The following INPP5A variants were observed in gnomAD, a reference collection of about 807,000 sequenced individuals.
The protein encoded by INPP5A is 43 kDa inositol polyphosphate 5-phophatase.
Under a neutral mutation model 65.2 loss-of-function variants are expected in INPP5A, and 14 were observed. The observed-to-expected ratio is 0.21, with a 90% CI of 0.14 to 0.34. The LOEUF (loss-of-function observed/expected upper bound fraction) is 0.34, where lower values mean the gene tolerates loss of function less well. INPP5A is among the 10% of genes least tolerant of loss of function. The probability of loss-of-function intolerance (pLI) is 1.00; values close to 1 mark genes in which losing one functional copy is unlikely to be tolerated. For missense variants in INPP5A, 431 were observed against 545.6 expected (o/e 0.79, Z 2.09); for synonymous variants, 207 against 208.3 (o/e 0.99, Z 0.05).
intron 6 of INPP5A, among the ~76,000 whole-genome samples, chr10:132,700,070 C>T (rs989784157): frequency 2.6e-5 from 4 of 152,186 alleles, no homozygotes; most frequent in African/African-American, 9.7e-5. Flanking sequence ...GAGGGGCCGC[C>T]CCTCCCCCAG....
chr10:132,561,052 CTTT>C (rs758540879), intron 1 of INPP5A, among the ~76,000 whole-genome samples: 26 of 126,964 alleles, frequency 2.0e-4, no homozygotes, highest in African/African-American at 3.8e-4. Context: ...GTTTGAAGCA[CTTT>C]TTTTTTTTTT....
At chr10:132,721,752 G>T (rs183429755) in intron 8 of INPP5A, among the ~76,000 whole-genome samples, 1 of 150,744 alleles carries the variant, frequency 6.6e-6, no homozygotes, top group African/African-American at 2.5e-5. Context: ...GTTCTGTGGT[G>T]CCTGGGTTCT....
At chr10:132,723,418 C>A (rs527724927) in intron 8 of INPP5A, among the ~76,000 whole-genome samples, 1 of 152,170 alleles carries the variant, frequency 6.6e-6, no homozygotes, top group African/African-American at 2.4e-5. Context: ...CCTGCGACAC[C>A]GCACACAGAT....
chr10:132,752,035 G>T (rs1465176336), intron 11 of INPP5A, among the ~76,000 whole-genome samples: 2 of 149,360 alleles, frequency 1.3e-5, no homozygotes, highest in South Asian at 2.2e-4. Context: ...TGCCCAGGAA[G>T]CGTCTGCGTG....
At chr10:132,623,603 G>A (rs1228258430) in intron 2 of INPP5A, among the ~76,000 whole-genome samples, 1 of 152,096 alleles carries the variant, frequency 6.6e-6, no homozygotes, top group Non-Finnish European at 1.5e-5. Context: ...TTTCTTAGAT[G>A]CAACAGCAAA....
chr10:132,764,824 G>A (rs1242615080), intron 11 of INPP5A, among the ~76,000 whole-genome samples: 2 of 143,112 alleles, frequency 1.4e-5, no homozygotes, highest in African/African-American at 2.7e-5. Context: ...TTGAGAGGGT[G>A]TGTGTGGTGA....
intron 1 of INPP5A, among the ~76,000 whole-genome samples, chr10:132,572,784 C>T (rs188109145): frequency 6.6e-6 from 1 of 152,304 alleles, no homozygotes; most frequent in East Asian, 1.9e-4. Flanking sequence ...GGCCCTGCCT[C>T]TGCTGGGCGT....
At chr10:132,643,034 T>C (rs1012422447) in intron 2 of INPP5A, among the ~76,000 whole-genome samples, 1 of 152,186 alleles carries the variant, frequency 6.6e-6, no homozygotes, top group African/African-American at 2.4e-5. Context: ...GAGGAGTCAT[T>C]TTCCTCAGTT....
chr10:132,733,799 C>G (rs1281629124), intron 9 of INPP5A, among the ~76,000 whole-genome samples: 2 of 152,262 alleles, frequency 1.3e-5, no homozygotes, highest in African/African-American at 4.8e-5. Flanking sequence ...TGCACCTGAA[C>G]AGGCTGATTT....
chr10:132,576,765 C>T lies in INPP5A; in HGVS notation c.76-31150C>T, dbSNP rs116052124. 6.0e-3 allele frequency among the ~76,000 whole-genome samples: 908 copies of T among 152,342 alleles called. 17 individuals are homozygous for T. The highest frequency in any genetic ancestry group is 0.02 in the African/African-American group (840 of 41,568). ...TTAAGCAGATCTCTGATGCACCCAG[C>T]GTCTTGCCTGTGCTGACCGGCCACA... On this transcript the variant is annotated intron_variant, in intron 1 of 15. Coordinates refer to ENST00000368594, the MANE Select transcript of INPP5A (RefSeq NM_005539.5).
chr10:132,559,580 C>T (rs552779993), intron 1 of INPP5A, among the ~76,000 whole-genome samples: 15 of 152,362 alleles, frequency 9.8e-5, no homozygotes, highest in African/African-American at 3.6e-4. Context: ...TGGAATCAAA[C>T]AGCGTGTGGC....
rs116521715 is a variant in INPP5A at position 132,707,816 on chromosome 10, C to A, written c.475-497C>A. ...TGGGTGAGAGGCATCGGTGGGTGAA[C>A]GGCATCGGTGGGTGAGAGGCATCGG... On this transcript the variant is annotated intron_variant, in intron 6 of 15. Coordinates refer to ENST00000368594, the MANE Select transcript of INPP5A (RefSeq NM_005539.5). This position sits in a 1 kb window ranked among gnomAD's most constrained non-coding sequence, Gnocchi z 5.5. Among the ~76,000 whole-genome samples, 17 of 151,594 alleles carry A rather than the reference C, an allele frequency of 1.1e-4. No homozygotes were observed. Among genetic ancestry groups the A allele is most frequent in the Non-Finnish European group, 1.8e-4 (12 of 67,798 alleles).
intron 2 of INPP5A, among the ~76,000 whole-genome samples, chr10:132,633,374 C>A (rs1024491267): frequency 6.6e-6 from 1 of 152,102 alleles, no homozygotes; most frequent in Admixed American, 6.5e-5. Flanking sequence ...GTCACGAAAA[C>A]CCATCCTCTT....
At position 132,555,559 on chromosome 10, in the gene INPP5A, G is replaced by A. The variant is rs570069517; in HGVS notation, c.75+17388G>A. Among the ~76,000 whole-genome samples the A allele has an allele frequency of 2.5e-4, 38 of 152,216 alleles. No homozygotes were observed. The highest frequency in any genetic ancestry group is 4.4e-4 in the Non-Finnish European group (30 of 68,006). ...GGTGACCAGGAGCCTCTGGACAGTG[G>A]GGCCGTCCTGACTCGCCTCCTGAGA... On this transcript the variant is annotated intron_variant, in intron 1 of 15. Coordinates refer to ENST00000368594, the MANE Select transcript of INPP5A (RefSeq NM_005539.5). The surrounding 1 kb of genome is among the most constrained non-coding windows in gnomAD (Gnocchi z 4.4).
chr10:132,714,682 T>C (rs1018930481), intron 8 of INPP5A, among the ~76,000 whole-genome samples: 1 of 151,894 alleles, frequency 6.6e-6, no homozygotes, highest in African/African-American at 2.4e-5. Context: ...CTTCGCACCG[T>C]TGCTCTAAAC....
chr10:132,680,163 G>C (rs2073023395), intron 4 of INPP5A, among the ~76,000 whole-genome samples: 2 of 152,126 alleles, frequency 1.3e-5, no homozygotes, highest in South Asian at 4.1e-4. Flanking sequence ...GAGTAAAAAG[G>C]CAACCGTGGA....
chr10:132,662,710 A>G (rs1433753671), intron 4 of INPP5A, among the ~76,000 whole-genome samples: 1 of 152,172 alleles, frequency 6.6e-6, no homozygotes, highest in African/African-American at 2.4e-5. Context: ...GACGGAAGGC[A>G]GCTGTCCCTT....
intron 12 of INPP5A, among the ~76,000 whole-genome samples, chr10:132,776,781 C>T (rs996860375): frequency 5.3e-5 from 8 of 152,150 alleles, no homozygotes; most frequent in African/African-American, 1.7e-4. Flanking sequence ...CCTGCAGGCC[C>T]GGAAGTGGGG....
At chr10:132,711,053 C>T (rs1361366602) in intron 8 of INPP5A, among the ~76,000 whole-genome samples, 2 of 152,198 alleles carry the variant, frequency 1.3e-5, no homozygotes, top group African/African-American at 2.4e-5. Context: ...TCACAATGGA[C>T]TTGGATGGGG....
Sources: gnomAD v4.1 joint callset for allele counts (sites outside exome capture counted in the v4.1 genomes callset) on GRCh38, gnomAD v4.1.1 for gene constraint, Gnocchi (gnomAD v3.1) non-coding constraint, MANE v1.5 for transcripts, NCBI Gene and HGNC (gene_info 2026-07-23, HGNC 2026-07-21) for gene names.